The following UST variants were observed in gnomAD, a reference collection of about 807,000 sequenced individuals.
The protein encoded by UST is uronyl 2-sulfotransferase.
UST carries 21 observed loss-of-function variants against 45.6 expected under a neutral mutation model. The ratio of observed to expected loss-of-function variants is 0.46; its 90% CI spans 0.33 to 0.66. The LOEUF (loss-of-function observed/expected upper bound fraction) is 0.66. UST is among the 30% of genes least tolerant of loss of function. UST has a pLI of 0.02. For synonymous variants in UST, 215 were observed against 200.6 expected (o/e 1.07, Z -0.61); for missense variants, 463 against 512.4 (o/e 0.90, Z 0.93).
At chr6:149,006,922 C>G (rs973299393) in intron 5 of UST, among the ~76,000 whole-genome samples, 2 of 152,088 alleles carry the variant, frequency 1.3e-5, no homozygotes, top group Non-Finnish European at 2.9e-5. Flanking sequence ...GTATGTTATG[C>G]TCATTTATTA....
chr6:148,844,387 C>T (rs1412517699), intron 1 of UST, among the ~76,000 whole-genome samples: 9 of 152,108 alleles, frequency 5.9e-5, no homozygotes, highest in South Asian at 2.1e-4. Flanking sequence ...ACCCAGTTCT[C>T]GCCTGTTTTC....
chr6:148,974,111 T>C (rs1780972192), intron 5 of UST, among the ~76,000 whole-genome samples: 1 of 152,286 alleles, frequency 6.6e-6, no homozygotes, highest in East Asian at 1.9e-4. Context: ...TGTCTGACCA[T>C]TTGTCACCAT....
intron 1 of UST, among the ~76,000 whole-genome samples, chr6:148,788,666 TA>T (rs1562258210): frequency 6.6e-6 from 1 of 151,932 alleles, no homozygotes; most frequent in East Asian, 1.9e-4. Flanking sequence ...TAAGAGCTCT[TA>T]AAAAAAAGAT....
chr6:148,820,323 T>G (rs1777431888), intron 1 of UST, among the ~76,000 whole-genome samples: 1 of 152,170 alleles, frequency 6.6e-6, no homozygotes, highest in Non-Finnish European at 1.5e-5. Flanking sequence ...CGTGTGTGTG[T>G]GCATATACAC....
Position 148,853,540 on chromosome 6 carries a change from G to A in UST, c.248-33446G>A, listed in dbSNP as rs146577599. Among the ~76,000 whole-genome samples, 150 of 152,286 alleles carry A rather than the reference G, an allele frequency of 9.8e-4. 1 individual carries two copies. Among genetic ancestry groups the A allele is most frequent in the African/African-American group, 3.3e-3 (139 of 41,554 alleles). ...TAGGTCTCTGAGGAATTGTCACACC[G>A]TCTTCCACAATGGTTGAACTAATTT... On this transcript the variant is annotated intron_variant, in intron 1 of 7. Coordinates refer to ENST00000367463, the MANE Select transcript of UST (RefSeq NM_005715.3).
intron 5 of UST, among the ~76,000 whole-genome samples, chr6:149,010,867 G>C (rs1399306091): frequency 8.4e-6 from 1 of 119,726 alleles, no homozygotes; most frequent in Admixed American, 1.0e-4. Flanking sequence ...ACTGCAGCCT[G>C]GGAGACAGAG....
At chr6:148,755,427 CA>C (rs1382153263) in intron 1 of UST, among the ~76,000 whole-genome samples, 2 of 152,178 alleles carry the variant, frequency 1.3e-5, no homozygotes, top group African/African-American at 2.4e-5. Flanking sequence ...AAAATAACTG[CA>C]GTCAATTAGA....
chr6:148,901,805 C>T (rs1213381748), intron 2 of UST, among the ~76,000 whole-genome samples: 4 of 152,088 alleles, frequency 2.6e-5, no homozygotes, highest in Non-Finnish European at 5.9e-5. Context: ...GTGGTCCACC[C>T]GCCTCGGCCT....
rs141453384 is a variant in UST at position 148,902,133 on chromosome 6, C to G, written c.291+15104C>G. On this transcript the variant is annotated intron_variant, in intron 2 of 7. Transcript: ENST00000367463. ...CTTCGTGTTCTAAAATTGTATAATTCTGTGTCTGGTGTGTATAAGTTTCAT... is the reference window on the plus strand; with the variant it reads ...CTTCGTGTTCTAAAATTGTATAATTGTGTGTCTGGTGTGTATAAGTTTCAT... 1.6e-3 allele frequency among the ~76,000 whole-genome samples: 248 copies of G among 152,268 alleles called. 1 individual carries two copies. Among genetic ancestry groups the G allele is most frequent in the Admixed American group, 0.014 (207 of 15,306 alleles).
intron 2 of UST, among the ~76,000 whole-genome samples, chr6:148,897,835 A>T (rs897631764): frequency 6.6e-6 from 1 of 152,198 alleles, no homozygotes; most frequent in Non-Finnish European, 1.5e-5. Context: ...GGCAGACCAG[A>T]TACGAATCTC....
chr6:148,919,424 G>A (rs953138793), intron 2 of UST, among the ~76,000 whole-genome samples: 3 of 143,332 alleles, frequency 2.1e-5, no homozygotes, highest in African/African-American at 8.9e-5. Flanking sequence ...AGCCGTGTGT[G>A]TGTGTGTGTG....
intron 1 of UST, among the ~76,000 whole-genome samples, chr6:148,764,245 T>G (rs1468090436): frequency 6.6e-6 from 1 of 152,178 alleles, no homozygotes; most frequent in Non-Finnish European, 1.5e-5. Context: ...TTTATTATTT[T>G]TTGTGGCTAT....
chr6:148,963,514 G>T (rs560537516), intron 4 of UST, among the ~76,000 whole-genome samples: 1 of 152,320 alleles, frequency 6.6e-6, no homozygotes, highest in African/African-American at 2.4e-5. Flanking sequence ...AGATTTAGTG[G>T]ATTCATCTAA....
intron 2 of UST, among the ~76,000 whole-genome samples, chr6:148,908,322 G>A (rs143736875): frequency 6.6e-6 from 1 of 152,116 alleles, no homozygotes; most frequent in East Asian, 1.9e-4. Flanking sequence ...GTGATATATT[G>A]GAATACCCTT....
intron 1 of UST, among the ~76,000 whole-genome samples, chr6:148,880,996 T>G (rs904849347): frequency 6.6e-6 from 1 of 150,940 alleles, no homozygotes; most frequent in Non-Finnish European, 1.5e-5. Flanking sequence ...ACCACTGCAC[T>G]CCAGCCTGGG....
chr6:148,859,320 C>A (rs1351044127), intron 1 of UST, among the ~76,000 whole-genome samples: 2 of 152,206 alleles, frequency 1.3e-5, no homozygotes, highest in Admixed American at 6.5e-5. Flanking sequence ...ATATCCTTTG[C>A]CCACTTTTTG....
chr6:148,938,762 A>G (rs62426127), intron 2 of UST, among the ~76,000 whole-genome samples: 19,786 of 151,344 alleles, frequency 0.13, 1,598 homozygotes, highest in South Asian at 0.18. Context: ...TATGAAAAAT[A>G]TATAATAAAG....
chr6:148,782,821 G>A (rs568504094), intron 1 of UST, among the ~76,000 whole-genome samples: 9 of 152,280 alleles, frequency 5.9e-5, no homozygotes, highest in South Asian at 2.1e-4. Context: ...GCGAAGACGC[G>A]GTGAACATTG....
At chr6:148,932,234 G>A (rs1016560578) in intron 2 of UST, among the ~76,000 whole-genome samples, 4 of 152,102 alleles carry the variant, frequency 2.6e-5, no homozygotes, top group Non-Finnish European at 5.9e-5. Context: ...ACAAAAATTA[G>A]CCAGGCATGA....
Sources: allele counts gnomAD v4.1 joint callset (sites outside exome capture counted in the v4.1 genomes callset), GRCh38; gene constraint gnomAD v4.1.1; transcripts MANE v1.5; gene names NCBI Gene and HGNC (gene_info 2026-07-23, HGNC 2026-07-21).